Variants in KIAA1549L observed in about 807,000 individuals in gnomAD.
The protein encoded by KIAA1549L is UPF0606 protein KIAA1549L.
A neutral mutation model predicts 160.7 loss-of-function variants in KIAA1549L; 88 were observed. That is an observed-to-expected ratio of 0.55 (90% confidence interval 0.46 to 0.65). The LOEUF is 0.65. Among genes scored for constraint, KIAA1549L ranks in the 30% least tolerant of loss-of-function variants. The pLI is 0.00. For synonymous variants in KIAA1549L, 950 were observed against 976.7 expected, an observed-to-expected ratio of 0.97 and a Z score of 0.51; for missense variants, 2,258 against 2,437.5, an observed-to-expected ratio of 0.93 and a Z score of 1.55.
At chr11:33,638,898 G>T (rs1217039322) in intron 16 of KIAA1549L, among the ~76,000 whole-genome samples, 1 of 151,960 alleles carries the variant, frequency 6.6e-6, no homozygotes, top group African/African-American at 2.4e-5. Context: ...CGTGTTTATT[G>T]GACATTTTTG....
rs758028149 is a variant in KIAA1549L at position 33,661,024 on chromosome 11, T to C, written c.6159+10T>C. 23 of 1,601,274 alleles carry C rather than the reference T, an allele frequency of 1.4e-5. No individual in the cohort carries two copies. The East Asian group carries it at 5.2e-4, about 36-fold the overall frequency. On this transcript the variant is annotated intron_variant, in intron 20 of 20. Transcript: ENST00000658780. ...CCAGTGGGCAGATTCGGTGAGACCCTTGCTCTTCACCTCATAAAACTTTAC... is the reference window on the plus strand; with the variant it reads ...CCAGTGGGCAGATTCGGTGAGACCCCTGCTCTTCACCTCATAAAACTTTAC...
intron 17 of KIAA1549L, among the ~76,000 whole-genome samples, chr11:33,652,119 T>C (rs994505115): frequency 6.6e-6 from 1 of 151,256 alleles, no homozygotes; most frequent in African/African-American, 2.4e-5. Flanking sequence ...GTCCTTAGGT[T>C]TTCCTCACAG....
At chr11:33,635,611 C>T (rs1258831975) in intron 16 of KIAA1549L, among the ~76,000 whole-genome samples, 1 of 152,154 alleles carries the variant, frequency 6.6e-6, no homozygotes, top group African/African-American at 2.4e-5. Flanking sequence ...GCGCCTAACT[C>T]AAGAAATTCT....
intron 1 of KIAA1549L, among the ~76,000 whole-genome samples, chr11:33,415,061 G>A (rs890177706): frequency 1.3e-4 from 19 of 151,720 alleles, no homozygotes; most frequent in African/African-American, 4.4e-4. Context: ...CTCTTCCTTG[G>A]TGATTTCTTT....
chr11:33,666,298 GC>G (rs1852449900), intron 20 of KIAA1549L, among the ~76,000 whole-genome samples: 1 of 152,216 alleles, frequency 6.6e-6, no homozygotes, highest in African/African-American at 2.4e-5. Flanking sequence ...GGAGTGTGCA[GC>G]CCTAGCCACG....
chr11:33,598,058 G>C (rs1222117029), intron 12 of KIAA1549L, among the ~76,000 whole-genome samples: 1 of 152,176 alleles, frequency 6.6e-6, no homozygotes, highest in Non-Finnish European at 1.5e-5. Flanking sequence ...TGCTATCTTA[G>C]AGTCTCCACA....
chr11:33,554,513 G>C (rs780234173), intron 6 of KIAA1549L, among the ~76,000 whole-genome samples: 2 of 152,288 alleles, frequency 1.3e-5, no homozygotes, highest in Non-Finnish European at 1.5e-5. Context: ...TCCTGTCTTC[G>C]TTGGCTTTGC....
intron 1 of KIAA1549L, among the ~76,000 whole-genome samples, chr11:33,408,680 C>T (rs370983709): frequency 8.0e-5 from 12 of 149,780 alleles, no homozygotes; most frequent in African/African-American, 3.0e-4. Flanking sequence ...TGTCTCATTT[C>T]TGACATCATC....
At chr11:33,435,789 T>TA (rs1590242557) in intron 1 of KIAA1549L, among the ~76,000 whole-genome samples, 18 of 10,972 alleles carry the variant, frequency 1.6e-3, no homozygotes, top group South Asian at 5.5e-3. Flanking sequence ...TATATATATA[T>TA]ATATATATAT....
intron 18 of KIAA1549L, among the ~76,000 whole-genome samples, chr11:33,656,768 G>A (rs1017841509): frequency 1.3e-5 from 2 of 152,082 alleles, no homozygotes; most frequent in Admixed American, 6.6e-5. Flanking sequence ...GTGAACCATG[G>A]GTCTGGGCTT....
At chr11:33,464,840 C>G (rs1342742708) in intron 1 of KIAA1549L, among the ~76,000 whole-genome samples, 3 of 151,994 alleles carry the variant, frequency 2.0e-5, no homozygotes, top group Non-Finnish European at 4.4e-5. Context: ...GTGCTTGATT[C>G]AGCTGTATGG....
intron 15 of KIAA1549L, among the ~76,000 whole-genome samples, chr11:33,612,049 A>G (rs758999502): frequency 6.6e-6 from 1 of 152,264 alleles, no homozygotes; most frequent in Non-Finnish European, 1.5e-5. Context: ...TTTCATGATC[A>G]TAAAGCACCA....
intron 1 of KIAA1549L, among the ~76,000 whole-genome samples, chr11:33,448,633 G>T (rs1180969328): frequency 2.0e-5 from 3 of 152,202 alleles, no homozygotes; most frequent in African/African-American, 7.2e-5. Flanking sequence ...TTTTGGTTAT[G>T]ATATTCCCAG....
chr11:33,468,731 C>T (rs1037516269), intron 1 of KIAA1549L, among the ~76,000 whole-genome samples: 5 of 152,168 alleles, frequency 3.3e-5, no homozygotes, highest in Admixed American at 6.6e-5. Context: ...CATATCATAA[C>T]GAACTCTTCT....
intron 1 of KIAA1549L, among the ~76,000 whole-genome samples, chr11:33,446,371 G>A (rs948878987): frequency 4.6e-5 from 7 of 152,010 alleles, no homozygotes; most frequent in South Asian, 2.1e-4. Context: ...CTGGGATTAC[G>A]GACATGAGCC....
Position 33,543,304 on chromosome 11 carries a change from C to T in KIAA1549L, c.1741C>T (p.Leu581Phe). 1 of 1,614,038 alleles carries T rather than the reference C, an allele frequency of 6.2e-7. No homozygotes were observed. The highest frequency in any genetic ancestry group is 8.5e-7 in the Non-Finnish European group (1 of 1,179,902). ...TGAAGAGGCAAATGTGACGATTCCT[C>T]TCCAGGCCTTTCCAAGGAAAGAGGT... is the stretch of plus-strand genomic sequence containing the variant. ...KNEEANVTIP[L>F]QAFPRKEVLS... The change falls in exon 2 of 21, where the codon CTC (leucine) becomes TTC (phenylalanine). Residue 581 changes from leucine (L) to phenylalanine (F), a missense_variant. By Grantham distance (22) the Leu-to-Phe change is conservative (BLOSUM62 0). Around this residue, in one of 6 missense-constraint regions of KIAA1549L, gnomAD observed 540 missense variants for 465.7 expected, o/e 1.16. Transcript: ENST00000658780.
At chr11:33,555,348 G>C (rs187850847) in intron 6 of KIAA1549L, among the ~76,000 whole-genome samples, 17 of 152,258 alleles carry the variant, frequency 1.1e-4, no homozygotes, top group African/African-American at 3.9e-4. Flanking sequence ...GCTTTGAGTA[G>C]CCAAAGCAAT....
chr11:33,538,340 A>C (rs528559089), intron 1 of KIAA1549L, among the ~76,000 whole-genome samples: 2 of 152,200 alleles, frequency 1.3e-5, no homozygotes, highest in African/African-American at 4.8e-5. Flanking sequence ...ATGCTTTTTC[A>C]GTCATGAAGT....
intron 1 of KIAA1549L, among the ~76,000 whole-genome samples, chr11:33,501,359 G>A (rs561032127): frequency 4.9e-4 from 74 of 152,326 alleles, no homozygotes; most frequent in African/African-American, 1.6e-3. Flanking sequence ...AGCAGATTTA[G>A]ATAACATATC....
Sources: allele counts gnomAD v4.1 joint callset (sites outside exome capture counted in the v4.1 genomes callset), GRCh38; gene constraint gnomAD v4.1.1; regional missense constraint gnomAD v4.1.1; transcripts MANE v1.5; gene names NCBI Gene and HGNC (gene_info 2026-07-23, HGNC 2026-07-21).